TSPEAR: variants seen among roughly 807,000 people sequenced by gnomAD.
TSPEAR encodes the protein thrombospondin-type laminin G domain and EAR repeat-containing protein.
In TSPEAR, 69 loss-of-function variants were observed where a neutral mutation model predicts 71.6. The ratio of observed to expected loss-of-function variants is 0.96; its 90% CI spans 0.79 to 1.18. The LOEUF is 1.18. TSPEAR is among the 50% of genes most tolerant of loss of function. TSPEAR has a pLI of 0.00. For missense variants in TSPEAR, 971 were observed against 894.9 expected, an observed-to-expected ratio of 1.09 and a Z score of -1.09; for synonymous variants, 402 against 387.2, an observed-to-expected ratio of 1.04 and a Z score of -0.45.
chr21:44,658,365 AGC>A (rs1555943028), intron 1 of TSPEAR: 1 of 1,216,970 alleles, frequency 8.2e-7, no homozygotes, highest in African/African-American at 1.5e-5. Context: ...GCAGATGAAA[AGC>A]ATGCCCAAGG....
At chr21:44,629,804 C>T (rs1983150309) in intron 1 of TSPEAR, among the ~76,000 whole-genome samples, 1 of 152,232 alleles carries the variant, frequency 6.6e-6, no homozygotes, top group African/African-American at 2.4e-5. Context: ...GTTTAGGCAT[C>T]CTGTTGTCCC....
At chr21:44,607,166 G>A (rs1423054314) in intron 1 of TSPEAR, among the ~76,000 whole-genome samples, 5 of 152,054 alleles carry the variant, frequency 3.3e-5, no homozygotes, top group Non-Finnish European at 7.4e-5. Context: ...TGCAACCTCC[G>A]CCTCCCGGGT....
chr21:44,680,606 C>T (rs1266770004), intron 1 of TSPEAR, among the ~76,000 whole-genome samples: 1 of 152,146 alleles, frequency 6.6e-6, no homozygotes, highest in Non-Finnish European at 1.5e-5. Context: ...TATTGCAGCA[C>T]TATTCACAAT....
At chr21:44,616,538 GCCAGGTGCCTT>G (rs1231447281) in intron 1 of TSPEAR, among the ~76,000 whole-genome samples, 4 of 152,092 alleles carry the variant, frequency 2.6e-5, no homozygotes, top group Non-Finnish European at 4.4e-5. Flanking sequence ...CCTCCTCCCT[GCCAGGTGCCTT>G]CCAGAGCTTC....
intron 1 of TSPEAR, among the ~76,000 whole-genome samples, chr21:44,670,470 G>C (rs1237676640): frequency 2.0e-5 from 3 of 152,170 alleles, no homozygotes; most frequent in Non-Finnish European, 2.9e-5. Flanking sequence ...AAATATCTGA[G>C]GCACAGAAGG....
In TSPEAR at chr21:44,558,202, C is replaced by T. The variant is rs782686391; in HGVS notation, c.303+9583G>A. 9 of 1,556,604 alleles carry T rather than the reference C, an allele frequency of 5.8e-6. No homozygotes were observed. Among genetic ancestry groups the T allele is most frequent in the Non-Finnish European group, 7.0e-6 (8 of 1,139,852 alleles). On this transcript the variant is annotated intron_variant, in intron 2 of 11. Transcript: ENST00000323084. ...GGGGCACAGCAGGAGGGGATGGGCA[C>T]ACAGCAGGTGGACCTGCACACGGGG...
At chr21:44,590,711 G>T (rs447082) in intron 1 of TSPEAR, among the ~76,000 whole-genome samples, 5,369 of 152,230 alleles carry the variant, frequency 0.035, 291 homozygotes, top group African/African-American at 0.12. Flanking sequence ...CCCCGGGTGG[G>T]CTACCCCAGT....
At chr21:44,674,731 A>AGTGT (rs59452363) in intron 1 of TSPEAR, among the ~76,000 whole-genome samples, 4,296 of 127,058 alleles carry the variant, frequency 0.034, 96 homozygotes, top group Non-Finnish European at 0.046. Context: ...CTGTCTTTAA[A>AGTGT]GTGTGTGTGT....
At position 44,527,434 on chromosome 21, in the gene TSPEAR, G is replaced by A; in HGVS notation, c.1007C>T (p.Pro336Leu). 1 of 1,614,238 alleles carries A rather than the reference G, an allele frequency of 6.2e-7. No individual in the cohort carries two copies. Among genetic ancestry groups the A allele is most frequent in the South Asian group, 1.1e-5 (1 of 91,086 alleles). ...ETLGIEVFRIPQVGLFVATAN... is the reference protein window; with the variant it reads ...ETLGIEVFRILQVGLFVATAN... ...TGTGGCCACAAAGAGCCCCACCTGA[G>A]GGATGCGGAACACCTCAATGCCCAG... Residue 336 changes from proline to leucine, a missense_variant, in exon 7 of 12, where the codon CCT becomes CTT. Pro to Leu is a moderately conservative substitution (Grantham distance 98, BLOSUM62 -3). Coordinates refer to ENST00000323084, the MANE Select transcript of TSPEAR (RefSeq NM_144991.3).
intron 2 of TSPEAR, chr21:44,551,638 C>G (rs192222571): frequency 5.9e-6 from 5 of 840,888 alleles, no homozygotes; most frequent in African/African-American, 5.2e-5. Flanking sequence ...TGTTTGGAGC[C>G]GGGAGGACCC....
intron 2 of TSPEAR, among the ~76,000 whole-genome samples, chr21:44,549,115 G>C (rs112369351): frequency 1.3e-5 from 2 of 152,128 alleles, no homozygotes; most frequent in African/African-American, 4.8e-5. Context: ...AACTGGCTGG[G>C]GTCGGACCAC....
chr21:44,592,576 G>C (rs1237180820), intron 1 of TSPEAR: 1 of 1,521,684 alleles, frequency 6.6e-7, no homozygotes, highest in African/African-American at 1.4e-5. Flanking sequence ...TTGTCCCCGG[G>C]CCCACAGCTT....
intron 1 of TSPEAR, chr21:44,697,387 C>T (rs1555950790): frequency 6.2e-7 from 1 of 1,613,542 alleles, no homozygotes; most frequent in South Asian, 1.1e-5. Context: ...CCAGCCCCTG[C>T]TGCCGAGTGA....
At chr21:44,588,676 A>ATTTATT (rs1569203637) in intron 1 of TSPEAR, among the ~76,000 whole-genome samples, 2 of 141,454 alleles carry the variant, frequency 1.4e-5, no homozygotes, top group Admixed American at 7.2e-5. Flanking sequence ...TATATATAAT[A>ATTTATT]TATATATATT....
intron 1 of TSPEAR, among the ~76,000 whole-genome samples, chr21:44,686,189 C>T (rs1348516561): frequency 6.6e-6 from 1 of 152,182 alleles, no homozygotes; most frequent in Non-Finnish European, 1.5e-5. Flanking sequence ...CAGCTCCCCT[C>T]GGCTCTGTTT....
chr21:44,623,105 G>A lies in TSPEAR; in HGVS notation c.83-55100C>T, dbSNP rs1356126458. On this transcript the variant is annotated intron_variant, in intron 1 of 11. Coordinates refer to ENST00000323084, the MANE Select transcript of TSPEAR (RefSeq NM_144991.3). The surrounding 1 kb of genome is among the most constrained non-coding windows in gnomAD (Gnocchi z 4.5). ...CAGCGCCATGTTTCCTGTACAACCT[G>A]CAGAACCATGAGCCAACTAAACTTT... Among the ~76,000 whole-genome samples the A allele has an allele frequency of 6.6e-6, 1 of 152,124 alleles. No homozygotes were observed. Among genetic ancestry groups the A allele is most frequent in the Non-Finnish European group, 1.5e-5 (1 of 68,010 alleles).
chr21:44,621,356 CTGA>C (rs1555933475), intron 1 of TSPEAR, among the ~76,000 whole-genome samples: 2 of 152,184 alleles, frequency 1.3e-5, no homozygotes, highest in Non-Finnish European at 2.9e-5. Flanking sequence ...CATTGGTGAT[CTGA>C]TGATAAACAT....
At position 44,525,655 on chromosome 21, in the gene TSPEAR, T is replaced by G. The variant is rs781999259; in HGVS notation, c.1334A>C (p.Glu445Ala). 1 of 1,614,012 alleles carries G rather than the reference T, an allele frequency of 6.2e-7. No individual in the cohort carries two copies. Among genetic ancestry groups the G allele is most frequent in the South Asian group, 1.1e-5 (1 of 91,070 alleles). The change falls in exon 8 of 12, where the codon GAA (glutamate) becomes GCA (alanine). Residue 445 changes from glutamate (E) to alanine (A), a missense_variant and splice_region_variant. Transcript: ENST00000323084. The part of the protein sequence containing the change: ...EHFLAVANHR[E>A]GDNHNIDSVI... ...TGTGAAGGCCACTCCTGCCCTACCT[T>G]CCCGGTGGTTGGCCACCGCCAGGAA...
At chr21:44,601,837 A>G (rs1432556288) in intron 1 of TSPEAR, 12 of 1,438,140 alleles carry the variant, frequency 8.3e-6, no homozygotes, top group Non-Finnish European at 1.1e-5. Context: ...TAAGCCCTGC[A>G]GTGGACGTCA....
Sources: gnomAD v4.1 joint callset for allele counts (sites outside exome capture counted in the v4.1 genomes callset) on GRCh38, gnomAD v4.1.1 for gene constraint, Gnocchi (gnomAD v3.1) non-coding constraint, MANE v1.5 for transcripts, NCBI Gene and HGNC (gene_info 2026-07-23, HGNC 2026-07-21) for gene names.